The following PLXNA1 variants were observed in gnomAD, a reference collection of about 807,000 sequenced individuals.
PLXNA1 encodes the protein plexin A1.
In PLXNA1, 77 loss-of-function variants were observed where a neutral mutation model predicts 191.7. The observed-to-expected ratio is 0.40, with a 90% CI of 0.33 to 0.49. PLXNA1 has a LOEUF of 0.49. PLXNA1 is among the 20% of genes least tolerant of loss of function. The pLI, the probability that PLXNA1 is intolerant of heterozygous loss-of-function variation, is 0.63. For synonymous variants in PLXNA1, 1,137 were observed against 1,156.4 expected (o/e 0.98, Z 0.34); for missense variants, 2,110 against 2,660.2 (o/e 0.79, Z 4.55).
At chr3:127,024,445 G>A (rs1271577319) in intron 23 of PLXNA1, among the ~76,000 whole-genome samples, 1 of 152,196 alleles carries the variant, frequency 6.6e-6, no homozygotes, top group Non-Finnish European at 1.5e-5. Context: ...GTGGGCAGTG[G>A]AGGGAGGGAG....
intron 20 of PLXNA1, 117 bp downstream of exon 20, chr3:127,018,645 TC>T: frequency 1.2e-6 from 1 of 805,008 alleles, no homozygotes; most frequent in Non-Finnish European, 2.0e-6. Context: ...TTTACAATGT[TC>T]CTGATAGCCT....
chr3:127,019,763 G>C (rs1049301140), intron 20 of PLXNA1, among the ~76,000 whole-genome samples: 12 of 152,304 alleles, frequency 7.9e-5, no homozygotes, highest in South Asian at 6.2e-4. Flanking sequence ...GAGCAGGGTG[G>C]GCCATGTTGA....
chr3:126,986,011 G>C (rs911212232), intron 1 of PLXNA1, among the ~76,000 whole-genome samples: 2 of 152,206 alleles, frequency 1.3e-5, no homozygotes, highest in African/African-American at 2.4e-5. Context: ...AGTTTGGGGC[G>C]GTGGGCCCAA....
At chr3:126,996,987 C>T (rs1417615495) in intron 3 of PLXNA1, among the ~76,000 whole-genome samples, 1 of 152,152 alleles carries the variant, frequency 6.6e-6, no homozygotes, top group Non-Finnish European at 1.5e-5. Flanking sequence ...CCCGGCAGCC[C>T]CTCCTGGTCC....
chr3:127,014,421 C>T (rs1383947868), intron 12 of PLXNA1, 46 bp downstream of exon 12: 1 of 1,573,524 alleles, frequency 6.4e-7, no homozygotes, highest in Middle Eastern at 1.7e-4. Context: ...CCGCCCTGCA[C>T]CACCGCACAC....
At chr3:127,003,280 G>C (rs769849839) in intron 3 of PLXNA1, 50 bp from the exon 4 acceptor site, 4 of 1,522,682 alleles carry the variant, frequency 2.6e-6, no homozygotes, top group African/African-American at 1.4e-5. Context: ...GGTGGGGCTG[G>C]GTCAGGGAGG....
Position 127,014,708 on chromosome 3 carries a change from C to T in PLXNA1, c.2757-3C>T, listed in dbSNP as rs367887428. The T allele has an allele frequency of 2.9e-4, 470 of 1,611,282 alleles. No individual in the cohort carries two copies. Among genetic ancestry groups the T allele is most frequent in the Non-Finnish European group, 3.7e-4 (439 of 1,179,572 alleles). ...GCAGCCCCTGAGGCCCGCCTGCCCA[C>T]AGGATCGTCTGTGAGATCGGGGACG... On this transcript the variant is annotated splice_polypyrimidine_tract_variant and splice_region_variant and intron_variant, in intron 13 of 31. Coordinates refer to ENST00000393409, the MANE Select transcript of PLXNA1 (RefSeq NM_032242.4).
chr3:127,006,827 A>G (rs1266771704), intron 8 of PLXNA1, among the ~76,000 whole-genome samples: 2 of 152,042 alleles, frequency 1.3e-5, no homozygotes, highest in South Asian at 2.1e-4. Context: ...CAGAGGAAGG[A>G]TGGGAGGATC....
At chr3:127,005,344 A>G (rs2079061413) in intron 7 of PLXNA1, 101 bp downstream of exon 7, 2 of 1,387,262 alleles carry the variant, frequency 1.4e-6, no homozygotes, top group Non-Finnish European at 9.7e-7. Flanking sequence ...TTCCAAGGGC[A>G]TGTTGGTGAC....
At chr3:127,033,242 G>A (rs2079221595) in intron 31 of PLXNA1, among the ~76,000 whole-genome samples, 1 of 152,204 alleles carries the variant, frequency 6.6e-6, no homozygotes, top group African/African-American at 2.4e-5. Flanking sequence ...CTTGGAGTGA[G>A]GCCACGTACA....
intron 17 of PLXNA1, 21 bp downstream of exon 17, chr3:127,017,058 G>A (rs1340940582): frequency 6.3e-7 from 1 of 1,599,536 alleles, no homozygotes; most frequent in Non-Finnish European, 8.6e-7. Flanking sequence ...GCCCTCAGCT[G>A]CCCACCTCGG....
chr3:126,987,162 C>T (rs2078962883), intron 1 of PLXNA1, among the ~76,000 whole-genome samples: 1 of 152,218 alleles, frequency 6.6e-6, no homozygotes, highest in Admixed American at 6.5e-5. Context: ...AGCTTTCATG[C>T]CCCTTTTGCA....
In PLXNA1 at chr3:127,031,887, TCTTCA is replaced by T. The variant is rs377620014; in HGVS notation, c.5232-494_5232-490del. On this transcript the variant is annotated intron_variant, in intron 29 of 31. Coordinates refer to ENST00000393409, the MANE Select transcript of PLXNA1 (RefSeq NM_032242.4). ...CACTGGTGTGGCTGAGTGTCTGGGC[TCTTCA>T]CTTCATTTAAGTTAAGCAGCCACGT... The T allele has an allele frequency of 1.1e-3, 191 of 171,896 alleles. 1 individual carries two copies. Among genetic ancestry groups the T allele is most frequent in the African/African-American group, 4.2e-3 (174 of 41,836 alleles). 10.6% of individuals were successfully genotyped at this position (171,896 alleles called of 1,614,324 possible).
chr3:127,034,346 TGAGGGGTGAGGCCAGGGCCCTCCAGGGG>T lies in PLXNA1; in HGVS notation c.*337_*364del, dbSNP rs2079228787. The T allele has an allele frequency of 4.1e-6, 1 of 243,200 alleles. No individual in the cohort carries two copies. Among genetic ancestry groups the T allele is most frequent in the Non-Finnish European group, 7.9e-6 (1 of 125,796 alleles). 15.1% of individuals were successfully genotyped at this position (243,200 alleles called of 1,614,324 possible). On this transcript the variant is annotated 3_prime_UTR_variant, in exon 32 of 32. Coordinates refer to ENST00000393409, the MANE Select transcript of PLXNA1 (RefSeq NM_032242.4). ...GGAGAAGGGCTGACCTCTGAGGGGCTGAGGGGTGAGGCCAGGGCCCTCCAGGGGGAGGGGTAGCCAGCTTGGGCTGTCC... is the reference window on the plus strand; with the variant it reads ...GGAGAAGGGCTGACCTCTGAGGGGCTGAGGGGTAGCCAGCTTGGGCTGTCC...
chr3:127,027,782 G>A (rs770531979), intron 23 of PLXNA1, 158 bp from the exon 24 acceptor site: 1 of 924,416 alleles, frequency 1.1e-6, no homozygotes, highest in Non-Finnish European at 1.7e-6. Flanking sequence ...TCTCTGCTGG[G>A]CTTTGGGACT....
rs1401611777 is a variant in PLXNA1 at position 126,989,161 on chromosome 3, C to G, written c.568C>G (p.Pro190Ala). ...QGQAKLFVGT[P>A]IDGKSEYFPT... Reference sequence around the variant, plus strand: ...CCAGGCCAAGCTCTTCGTGGGCACACCCATCGATGGCAAGTCCGAGTACTT... The same window carrying G: ...CCAGGCCAAGCTCTTCGTGGGCACAGCCATCGATGGCAAGTCCGAGTACTT... The change falls in exon 2 of 32, where the codon CCC becomes GCC. Residue 190 changes from proline to alanine, a missense_variant. Coordinates refer to ENST00000393409, the MANE Select transcript of PLXNA1 (RefSeq NM_032242.4). The G allele has an allele frequency of 4.3e-6, 7 of 1,613,318 alleles. No homozygotes were observed. Among genetic ancestry groups the G allele is most frequent in the Non-Finnish European group, 5.9e-6 (7 of 1,180,046 alleles).
At chr3:127,018,166 C>T in intron 19 of PLXNA1, 128 bp from the exon 20 acceptor site, 1 of 956,350 alleles carries the variant, frequency 1.0e-6, no homozygotes, top group African/African-American at 1.6e-5. Context: ...CTGGTGACCA[C>T]TCTGTGCCCC....
At chr3:127,011,297 A>G (rs551992332) in intron 9 of PLXNA1, among the ~76,000 whole-genome samples, 1 of 152,134 alleles carries the variant, frequency 6.6e-6, no homozygotes, top group East Asian at 1.9e-4. Flanking sequence ...GGGCCTTGTT[A>G]ACTCTGCTTC....
rs529452669 is a variant in PLXNA1 at position 127,029,180 on chromosome 3, G to A, written c.4773+84G>A. 3.7e-5 allele frequency: 41 copies of A among 1,103,492 alleles called. No individual in the cohort carries two copies. In the South Asian group the frequency reaches 5.6e-4, roughly 15 times the overall value. The allele number at this position is 1,103,492 out of a possible 1,614,324, so 68.4% of individuals were successfully genotyped here. On this transcript the variant is annotated intron_variant, in intron 26 of 31. Coordinates refer to ENST00000393409, the MANE Select transcript of PLXNA1 (RefSeq NM_032242.4). ...GCAGCCACCAATGTTTGCAGCATGT[G>A]GGCTGGACAGCAGCTGGATCTGTCA...
Sources: gnomAD v4.1 joint callset for allele counts (sites outside exome capture counted in the v4.1 genomes callset) on GRCh38, gnomAD v4.1.1 for gene constraint, MANE v1.5 for transcripts, NCBI Gene and HGNC (gene_info 2026-07-23, HGNC 2026-07-21) for gene names.